Variants in ARHGAP12 observed in about 807,000 individuals in gnomAD.
The protein encoded by ARHGAP12 is Rho GTPase activating protein 12.
Under a neutral mutation model 108.6 loss-of-function variants are expected in ARHGAP12, and 64 were observed. The ratio of observed to expected loss-of-function variants is 0.59; its 90% CI spans 0.48 to 0.73. ARHGAP12 has a LOEUF of 0.73. ARHGAP12 is among the 30% of genes least tolerant of loss of function. ARHGAP12 has a pLI of 0.00. For synonymous variants in ARHGAP12, 312 were observed against 337.2 expected (o/e 0.93, Z 0.82); for missense variants, 940 against 1,005.9 (o/e 0.93, Z 0.89).
At chr10:31,888,684 C>T (rs1238228578) in intron 3 of ARHGAP12, among the ~76,000 whole-genome samples, 1 of 151,952 alleles carries the variant, frequency 6.6e-6, no homozygotes, top group African/African-American at 2.4e-5. Flanking sequence ...GCTGGGTTTC[C>T]AGCACTTACA....
chr10:31,899,975 T>C (rs1190692882), intron 3 of ARHGAP12, among the ~76,000 whole-genome samples: 1 of 152,136 alleles, frequency 6.6e-6, no homozygotes, highest in Non-Finnish European at 1.5e-5. Flanking sequence ...ATACATCTGA[T>C]TAAAGAATTT....
intron 11 of ARHGAP12, among the ~76,000 whole-genome samples, chr10:31,822,561 TTA>T (rs1391274699): frequency 1.3e-5 from 2 of 152,212 alleles, no homozygotes; most frequent in Admixed American, 6.5e-5. Flanking sequence ...TTACATAAAT[TTA>T]TGTTTCATTT....
chr10:31,837,831 T>C (rs1229334077), intron 9 of ARHGAP12, among the ~76,000 whole-genome samples: 1 of 152,102 alleles, frequency 6.6e-6, no homozygotes, highest in Non-Finnish European at 1.5e-5. Context: ...ATAATAAAAT[T>C]TTGTCTTTTA....
chr10:31,887,075 G>C (rs1460209762), intron 3 of ARHGAP12, among the ~76,000 whole-genome samples: 2 of 152,188 alleles, frequency 1.3e-5, no homozygotes, highest in African/African-American at 4.8e-5. Flanking sequence ...GGCAGAAAGA[G>C]ATTTATTTTA....
At chr10:31,821,474 A>T (rs753965239) in intron 11 of ARHGAP12, among the ~76,000 whole-genome samples, 3 of 152,206 alleles carry the variant, frequency 2.0e-5, no homozygotes, top group Non-Finnish European at 4.4e-5. Context: ...TAATCTAAAG[A>T]TCATAAAAAT....
chr10:31,852,571 A>G lies in ARHGAP12; in HGVS notation c.1116T>C (p.Gly372=), dbSNP rs1260138534. The part of the protein sequence containing the change: ...EKWLKHVDDQ[G]RQYYYSADGS... ...CGTCTGCACTGTAGTAATATTGTCT[A>G]CCTTGATCATCAACATGCTTGAGCC... The change falls in exon 6 of 20, where the codon GGT becomes GGC. Residue 372 remains glycine, a synonymous_variant. Coordinates refer to ENST00000344936, the MANE Select transcript of ARHGAP12 (RefSeq NM_018287.7). 2 of 1,613,342 alleles carry G rather than the reference A, an allele frequency of 1.2e-6. No individual in the cohort carries two copies. Among genetic ancestry groups the G allele is most frequent in the East Asian group, 2.2e-5 (1 of 44,810 alleles).
At chr10:31,809,639 G>T in intron 16 of ARHGAP12, 1 of 200,050 alleles carries the variant, frequency 5.0e-6, no homozygotes. Flanking sequence ...ATTAAAGGAA[G>T]TCAGCAGGTA....
At chr10:31,894,530 C>T (rs999250370) in intron 3 of ARHGAP12, among the ~76,000 whole-genome samples, 1 of 152,102 alleles carries the variant, frequency 6.6e-6, no homozygotes, top group Non-Finnish European at 1.5e-5. Flanking sequence ...ACCTAGGAAT[C>T]CAACTTACAA....
rs187487782 is a variant in ARHGAP12, at chr10:31,829,482, T to C, written c.1448+2257A>G. On this transcript the variant is annotated intron_variant, in intron 10 of 19. Transcript: ENST00000344936. Reference sequence around the variant, plus strand: ...AAGATAGCAAACTTATGTATTTTTTTACCACCATAAAAAAAATTGAAGCTT... The same window carrying C: ...AAGATAGCAAACTTATGTATTTTTTCACCACCATAAAAAAAATTGAAGCTT... Among the ~76,000 whole-genome samples the C allele has an allele frequency of 1.1e-3, 168 of 152,314 alleles. 3 individuals carry two copies. Among genetic ancestry groups the C allele is most frequent in the Non-Finnish European group, 1.0e-3 (70 of 68,028 alleles).
intron 3 of ARHGAP12, among the ~76,000 whole-genome samples, chr10:31,886,533 A>G (rs1456815151): frequency 6.6e-6 from 1 of 152,212 alleles, no homozygotes; most frequent in Non-Finnish European, 1.5e-5. Context: ...TGTGATGGAA[A>G]TCTACATGAA....
chr10:31,844,714 T>G (rs919382473), intron 6 of ARHGAP12, among the ~76,000 whole-genome samples: 2 of 135,378 alleles, frequency 1.5e-5, no homozygotes, highest in East Asian at 2.3e-4. Flanking sequence ...TTTTTTTTTT[T>G]GTAGAGCCAA....
intron 10 of ARHGAP12, among the ~76,000 whole-genome samples, chr10:31,828,493 A>ACT (rs1380330318): frequency 6.6e-6 from 1 of 151,678 alleles, no homozygotes; most frequent in East Asian, 1.9e-4. Context: ...TCATCTACTG[A>ACT]CTCCCTACTA....
chr10:31,882,059 C>T (rs965159249), intron 3 of ARHGAP12, among the ~76,000 whole-genome samples: 19 of 150,776 alleles, frequency 1.3e-4, no homozygotes, highest in African/African-American at 4.4e-4. Flanking sequence ...GGACTACAGG[C>T]GCCCGCCACT....
chr10:31,895,610 G>A (rs1287444109), intron 3 of ARHGAP12, among the ~76,000 whole-genome samples: 1 of 152,236 alleles, frequency 6.6e-6, no homozygotes, highest in Non-Finnish European at 1.5e-5. Context: ...TGGAGAGGAT[G>A]TAGAGAAATA....
At chr10:31,814,675 A>G (rs914850964) in intron 13 of ARHGAP12, among the ~76,000 whole-genome samples, 1 of 152,196 alleles carries the variant, frequency 6.6e-6, no homozygotes, top group African/African-American at 2.4e-5. Context: ...TTAAAAGGTT[A>G]AGGCTATAAT....
At chr10:31,874,618 T>C (rs1319192119) in intron 3 of ARHGAP12, among the ~76,000 whole-genome samples, 3 of 152,176 alleles carry the variant, frequency 2.0e-5, no homozygotes, top group Non-Finnish European at 4.4e-5. Context: ...CCTGAATTTG[T>C]TAAACAAGAG....
intron 6 of ARHGAP12, 38 bp downstream of exon 6, chr10:31,852,479 C>G (rs1261120821): frequency 6.9e-7 from 1 of 1,444,628 alleles, no homozygotes; most frequent in Admixed American, 1.7e-5. Context: ...ACTTCATCTA[C>G]TATTTTTAAA....
chr10:31,876,771 AG>A (rs1646648474), intron 3 of ARHGAP12, among the ~76,000 whole-genome samples: 1 of 152,198 alleles, frequency 6.6e-6, no homozygotes. Context: ...AAATTCACCT[AG>A]TAGGTATATT....
At chr10:31,920,579 T>G (rs1839763242) in intron 1 of ARHGAP12, among the ~76,000 whole-genome samples, 1 of 152,110 alleles carries the variant, frequency 6.6e-6, no homozygotes, top group Non-Finnish European at 1.5e-5. Context: ...TTTGTAAGTT[T>G]TATTCAAATT....
Sources: gnomAD v4.1 joint callset for allele counts (sites outside exome capture counted in the v4.1 genomes callset) on GRCh38, gnomAD v4.1.1 for gene constraint, MANE v1.5 for transcripts, NCBI Gene and HGNC (gene_info 2026-07-23, HGNC 2026-07-21) for gene names.